The following STXBP5L variants were observed in gnomAD, a reference collection of about 807,000 sequenced individuals.
STXBP5L encodes syntaxin binding protein 5L.
Under a neutral mutation model 144.5 loss-of-function variants are expected in STXBP5L, and 65 were observed. That is an observed-to-expected ratio of 0.45 (90% CI 0.37 to 0.55). The LOEUF is 0.55. STXBP5L is among the 20% of genes least tolerant of loss of function. The pLI is 0.00. For missense variants in STXBP5L, 1,298 were observed against 1,405.5 expected (o/e 0.92, Z 1.22); for synonymous variants, 505 against 469.6 (o/e 1.08, Z -0.97).
Position 120,973,534 on chromosome 3 carries a change from T to A in STXBP5L, c.287+18497T>A, listed in dbSNP as rs147234184. Among the ~76,000 whole-genome samples, 1,160 of 152,128 alleles carry A rather than the reference T, an allele frequency of 7.6e-3. 18 individuals carry two copies. Among genetic ancestry groups the A allele is most frequent in the African/African-American group, 0.026 (1,061 of 41,534 alleles). On this transcript the variant is annotated intron_variant, in intron 3 of 26. Transcript: ENST00000471454. ...ATTTTCAGAATACTAACTTTTCATT[T>A]CTTTGATTCTTTATATTTTTTTATT...
intron 18 of STXBP5L, among the ~76,000 whole-genome samples, chr3:121,263,081 T>A (rs2050438061): frequency 6.6e-6 from 1 of 152,174 alleles, no homozygotes; most frequent in Admixed American, 6.5e-5. Context: ...CTGGCTGGCA[T>A]CTGGAGGGTG....
intron 9 of STXBP5L, among the ~76,000 whole-genome samples, chr3:121,200,397 C>A (rs2048093104): frequency 6.6e-6 from 1 of 152,016 alleles, no homozygotes; most frequent in Non-Finnish European, 1.5e-5. Context: ...GTCTAGCTAG[C>A]AGTCTATTTT....
chr3:121,237,052 C>T (rs1195302849), intron 12 of STXBP5L, among the ~76,000 whole-genome samples: 1 of 152,210 alleles, frequency 6.6e-6, no homozygotes, highest in African/African-American at 2.4e-5. Flanking sequence ...GTCCTGTCCC[C>T]ATGTTTTTGC....
At chr3:121,130,870 A>G (rs1201192275) in intron 7 of STXBP5L, among the ~76,000 whole-genome samples, 1 of 152,180 alleles carries the variant, frequency 6.6e-6, no homozygotes, top group Admixed American at 6.6e-5. Context: ...TGATATATAT[A>G]TCAGAATTTA....
chr3:121,000,675 G>A (rs1943701117), intron 3 of STXBP5L, among the ~76,000 whole-genome samples: 1 of 152,168 alleles, frequency 6.6e-6, no homozygotes, highest in African/African-American at 2.4e-5. Context: ...GTCATTTGGA[G>A]GTAAGAAGGC....
chr3:120,975,923 A>G (rs929211944), intron 3 of STXBP5L, among the ~76,000 whole-genome samples: 1 of 152,024 alleles, frequency 6.6e-6, no homozygotes, highest in Non-Finnish European at 1.5e-5. Context: ...AAGCTTTTTG[A>G]TGTGCTGCTG....
chr3:121,232,736 A>G (rs1286279549), intron 11 of STXBP5L, among the ~76,000 whole-genome samples: 1 of 152,188 alleles, frequency 6.6e-6, no homozygotes, highest in East Asian at 1.9e-4. Flanking sequence ...AGAAAGGTTT[A>G]TCATGAGTGA....
At chr3:121,152,640 C>A in intron 8 of STXBP5L, 80 bp downstream of exon 8, 2 of 1,067,914 alleles carry the variant, frequency 1.9e-6, no homozygotes, top group Non-Finnish European at 2.7e-6. Flanking sequence ...TGCACTTTAC[C>A]AGTATGTTTA....
At chr3:121,137,391 A>T (rs2045309301) in intron 7 of STXBP5L, among the ~76,000 whole-genome samples, 1 of 152,158 alleles carries the variant, frequency 6.6e-6, no homozygotes, top group South Asian at 2.1e-4. Context: ...GGATTGGCAG[A>T]CTCTTATGAA....
chr3:121,320,173 T>C (rs1221781535), intron 20 of STXBP5L, among the ~76,000 whole-genome samples: 1 of 152,186 alleles, frequency 6.6e-6, no homozygotes, highest in Non-Finnish European at 1.5e-5. Context: ...TGTTTATGTG[T>C]GTCTACTTTC....
chr3:121,325,290 A>G (rs2044108692), intron 20 of STXBP5L, among the ~76,000 whole-genome samples: 1 of 152,094 alleles, frequency 6.6e-6, no homozygotes, highest in Admixed American at 6.5e-5. Context: ...AGATAGAGAT[A>G]ATAGTTATCC....
chr3:121,029,372 C>A (rs1390874249), intron 3 of STXBP5L, among the ~76,000 whole-genome samples: 3 of 151,968 alleles, frequency 2.0e-5, no homozygotes, highest in Admixed American at 2.0e-4. Flanking sequence ...TCAGAAATAA[C>A]ACCACACATC....
intron 5 of STXBP5L, among the ~76,000 whole-genome samples, chr3:121,103,725 A>G (rs1420764440): frequency 6.6e-6 from 1 of 152,196 alleles, no homozygotes; most frequent in Admixed American, 6.6e-5. Context: ...TATAAAGCTT[A>G]GTACATATGA....
At chr3:120,926,037 T>C (rs1709605220) in intron 2 of STXBP5L, among the ~76,000 whole-genome samples, 1 of 152,202 alleles carries the variant, frequency 6.6e-6, no homozygotes, top group African/African-American at 2.4e-5. Flanking sequence ...GCTGTGGGTA[T>C]TATTGTCTTT....
intron 9 of STXBP5L, among the ~76,000 whole-genome samples, chr3:121,195,525 C>T (rs1030379396): frequency 1.3e-5 from 2 of 152,132 alleles, no homozygotes; most frequent in East Asian, 1.9e-4. Flanking sequence ...CAATATTTGT[C>T]TTTCTGTGTC....
At chr3:120,937,405 C>T (rs1297310140) in intron 2 of STXBP5L, among the ~76,000 whole-genome samples, 2 of 152,136 alleles carry the variant, frequency 1.3e-5, no homozygotes, top group Admixed American at 1.3e-4. Flanking sequence ...GAGTTTTTAA[C>T]TCTCAAACTT....
chr3:121,169,887 A>C (rs1388240875), intron 9 of STXBP5L, among the ~76,000 whole-genome samples: 1 of 152,208 alleles, frequency 6.6e-6, no homozygotes, highest in Non-Finnish European at 1.5e-5. Context: ...AATCAACAGA[A>C]TATACATTCT....
At chr3:121,150,579 C>T (rs751908672) in intron 7 of STXBP5L, among the ~76,000 whole-genome samples, 3 of 151,880 alleles carry the variant, frequency 2.0e-5, no homozygotes, top group Non-Finnish European at 4.4e-5. Flanking sequence ...CTATTGCTAG[C>T]AATGTTTTAT....
rs140197048 is a variant in STXBP5L at position 121,259,436 on chromosome 3, T to C, written c.1958+268T>C. Among the ~76,000 whole-genome samples, 61 of 152,204 alleles carry C rather than the reference T, an allele frequency of 4.0e-4. No individual in the cohort carries two copies. The East Asian group carries it at 6.6e-3, about 16-fold the overall frequency. The stretch of plus-strand genomic sequence containing the variant: ...TTAAACTGTGTTGTTTGTTTTTATA[T>C]TGTCTTTTTTTCTCTTTATATTTCA... On this transcript the variant is annotated intron_variant, in intron 18 of 26. Transcript: ENST00000471454.
Sources: gnomAD v4.1 joint callset for allele counts (sites outside exome capture counted in the v4.1 genomes callset) on GRCh38, gnomAD v4.1.1 for gene constraint, MANE v1.5 for transcripts, NCBI Gene and HGNC (gene_info 2026-07-23, HGNC 2026-07-21) for gene names.